Variants in SLX4 observed in about 807,000 individuals in gnomAD.
SLX4 encodes the protein SLX4 structure-specific endonuclease subunit, also known as structure-specific endonuclease subunit SLX4.
A neutral mutation model predicts 146.2 loss-of-function variants in SLX4; 112 were observed. That is an observed-to-expected ratio of 0.77 (90% CI 0.66 to 0.90). SLX4 has a LOEUF of 0.90. Among genes scored for constraint, SLX4 ranks in the 40% least tolerant of loss-of-function variants. The pLI is 0.00. For synonymous variants in SLX4, 1,061 were observed against 997.7 expected, an observed-to-expected ratio of 1.06 and a Z score of -1.20; for missense variants, 2,563 against 2,392.7, an observed-to-expected ratio of 1.07 and a Z score of -1.49.
rs2040467275 is a variant in SLX4, at chr16:3,583,439, T to G, written c.4811A>C (p.Gln1604Pro). ...KLKEIFQYTH[Q>P]TLDSDSEDES... ...GTCCTCGGAGTCTGAGTCCAGGGTC[T>G]GGTGAGTGTACTGGAATATCTCCTT... The change falls in exon 14 of 15, where the codon CAG (glutamine) becomes CCG (proline). Residue 1604 changes from glutamine (Q) to proline (P), a missense_variant. By Grantham distance (76) the Gln-to-Pro change is moderately conservative. Coordinates refer to ENST00000294008, the MANE Select transcript of SLX4 (RefSeq NM_032444.4). 6.2e-7 allele frequency: 1 copy of G among 1,614,186 alleles called. No individual in the cohort carries two copies. Among genetic ancestry groups the G allele is most frequent in the Non-Finnish European group, 8.5e-7 (1 of 1,180,036 alleles).
Position 3,597,447 on chromosome 16 carries a change from C to A in SLX4, c.1615G>T (p.Ala539Ser), listed in dbSNP as rs772612094. Reference protein sequence around the residue: ...FLWEGSALTGAWAMEDFYTAR... With the variant: ...FLWEGSALTGSWAMEDFYTAR... Reference sequence around the variant, plus strand: ...GTGTAGAAGTCCTCCATGGCCCAGGCCCCAGTCAGTGCGCTGCCCTCCCAC... The same window carrying A: ...GTGTAGAAGTCCTCCATGGCCCAGGACCCAGTCAGTGCGCTGCCCTCCCAC... Residue 539 changes from alanine (A) to serine (S), a missense_variant, in exon 7 of 15, where the codon GCC becomes TCC. Coordinates refer to ENST00000294008, the MANE Select transcript of SLX4 (RefSeq NM_032444.4). This position sits in a 1 kb window ranked among gnomAD's most constrained non-coding sequence, Gnocchi z 4.4. 3.1e-6 allele frequency: 5 copies of A among 1,611,774 alleles called. No homozygotes were observed. Among genetic ancestry groups the A allele is most frequent in the Non-Finnish European group, 4.2e-6 (5 of 1,179,264 alleles).
At position 3,602,181 on chromosome 16, in the gene SLX4, C is replaced by T. The variant is rs1311622826; in HGVS notation, c.887G>A (p.Cys296Tyr). Reference protein sequence around the residue: ...DSLEEKGLFFCQICQKNLSAM... With the variant: ...DSLEEKGLFFYQICQKNLSAM... ...TGAGAGGTTCTTTTGACAAATCTGGCAGAAGAACAAACCCTTTTCCTCCAG... is the reference window on the plus strand; with the variant it reads ...TGAGAGGTTCTTTTGACAAATCTGGTAGAAGAACAAACCCTTTTCCTCCAG... Residue 296 changes from cysteine to tyrosine, a missense_variant, in exon 4 of 15, where the codon TGC (cysteine) becomes TAC (tyrosine). By Grantham distance (194) the Cys-to-Tyr change is radical. Coordinates refer to ENST00000294008, the MANE Select transcript of SLX4 (RefSeq NM_032444.4). 1 of 1,614,166 alleles carries T rather than the reference C, an allele frequency of 6.2e-7. No individual in the cohort carries two copies. Among genetic ancestry groups the T allele is most frequent in the African/African-American group, 1.3e-5 (1 of 75,040 alleles).
intron 3 of SLX4, among the ~76,000 whole-genome samples, chr16:3,603,889 G>T (rs1194715676): frequency 6.6e-6 from 1 of 152,190 alleles, no homozygotes; most frequent in Non-Finnish European, 1.5e-5. Flanking sequence ...AATAAATCCA[G>T]AAAGTGGGAA....
At chr16:3,587,246 C>T (rs1194255513) in intron 12 of SLX4, among the ~76,000 whole-genome samples, 1 of 152,150 alleles carries the variant, frequency 6.6e-6, no homozygotes, top group Non-Finnish European at 1.5e-5. Flanking sequence ...CCTGTAATCC[C>T]AGCACTTTGG....
rs948632545 is a variant in SLX4, at chr16:3,600,991, G to A, written c.1151C>T (p.Pro384Leu). ...QTAQPEGSSS[P>L]PMFSFSDHSR... ...TTCGTCGACTTACCTGAACATGGGT[G>A]GGCTGCTGCTACCCTCAGGCTGTGC... The change falls in exon 5 of 15, where the codon CCA becomes CTA. Residue 384 changes from proline to leucine, a missense_variant. By Grantham distance (98) the Pro-to-Leu change is moderately conservative. Coordinates refer to ENST00000294008, the MANE Select transcript of SLX4 (RefSeq NM_032444.4). 9.3e-6 allele frequency: 15 copies of A among 1,613,562 alleles called. No individual in the cohort carries two copies. The African/African-American group carries it at 1.2e-4, about 13-fold the overall frequency.
chr16:3,590,459 C>T lies in SLX4; in HGVS notation c.3179G>A (p.Arg1060Gln), dbSNP rs199994766. ...CACCTGGGAAGTTCCGCCACGGGAC[C>T]GGGGTGTTGACAGGGACGACCCACT... is the stretch of plus-strand genomic sequence containing the variant. Reference protein sequence around the residue: ...HTSGSSLSTPRSRGGTSQVGS... With the variant: ...HTSGSSLSTPQSRGGTSQVGS... The change falls in exon 12 of 15, where the codon CGG becomes CAG. Residue 1060 changes from arginine to glutamine, a missense_variant. By Grantham distance (43) the Arg-to-Gln change is conservative. Transcript: ENST00000294008. This position sits in a 1 kb window ranked among gnomAD's most constrained non-coding sequence, Gnocchi z 4.8. The T allele has an allele frequency of 2.6e-5, 42 of 1,614,102 alleles. No individual in the cohort carries two copies. Among genetic ancestry groups the T allele is most frequent in the South Asian group, 4.4e-5 (4 of 91,082 alleles).
rs770441819 is a variant in SLX4, at chr16:3,595,626, C to T, written c.1992G>A (p.Pro664=). The T allele has an allele frequency of 1.1e-5, 18 of 1,613,906 alleles. No homozygotes were observed. Among genetic ancestry groups the T allele is most frequent in the South Asian group, 3.3e-5 (3 of 91,082 alleles). Residue 664 remains proline, a synonymous_variant, in exon 9 of 15, where the codon CCG becomes CCA. Transcript: ENST00000294008. ...GFVVPSQDKH[P]DRGGRTLLSL... Reference sequence around the variant, plus strand: ...TTACCAAGGTGCGGCCGCCCCTGTCCGGGTGCTTGTCCTGCGATGGCACCA... The same window carrying T: ...TTACCAAGGTGCGGCCGCCCCTGTCTGGGTGCTTGTCCTGCGATGGCACCA...
intron 10 of SLX4, among the ~76,000 whole-genome samples, chr16:3,593,335 A>G (rs1179333348): frequency 6.6e-6 from 1 of 152,174 alleles, no homozygotes; most frequent in Non-Finnish European, 1.5e-5. Context: ...CGGCCTCCCA[A>G]AGTGCTGGGA....
intron 3 of SLX4, among the ~76,000 whole-genome samples, chr16:3,604,512 G>A (rs1286392656): frequency 6.6e-6 from 1 of 152,074 alleles, no homozygotes; most frequent in African/African-American, 2.4e-5. Flanking sequence ...TTTACCTTCA[G>A]ATAATATGGA....
At position 3,583,339 on chromosome 16, in the gene SLX4, T is replaced by G; in HGVS notation, c.4911A>C (p.Ser1637=). ...CCTGCTGGGCATGGACCCCTGCCCT[T>G]GAAGGCTTGTAGGTCTGGGAGGCGA... ...QTLASQTYKP[S]RAGVHAQQEA... is the part of the protein sequence containing the mutation. The change falls in exon 14 of 15, where the codon TCA becomes TCC. Residue 1637 remains serine, a synonymous_variant. Coordinates refer to ENST00000294008, the MANE Select transcript of SLX4 (RefSeq NM_032444.4). 1.2e-6 allele frequency: 2 copies of G among 1,613,882 alleles called. No individual in the cohort carries two copies. Among genetic ancestry groups the G allele is most frequent in the Non-Finnish European group, 1.7e-6 (2 of 1,179,878 alleles).
At chr16:3,596,096 G>A (rs955854880) in intron 8 of SLX4, 57 bp downstream of exon 8, 17 of 1,528,812 alleles carry the variant, frequency 1.1e-5, no homozygotes, top group South Asian at 4.9e-5. Context: ...CCTCAGCCGC[G>A]GGGAGGGGAG....
intron 2 of SLX4, among the ~76,000 whole-genome samples, chr16:3,607,164 A>G (rs1225350564): frequency 6.6e-6 from 1 of 152,238 alleles, no homozygotes; most frequent in African/African-American, 2.4e-5. Context: ...GTGGGGATCC[A>G]TGAACCCCAT....
In SLX4 at chr16:3,592,857, A is replaced by G. The variant is rs750908864; in HGVS notation, c.2169T>C (p.Asn723=). 4.3e-6 allele frequency: 7 copies of G among 1,610,276 alleles called. No individual in the cohort carries two copies. In the Admixed American group the frequency reaches 5.0e-5, roughly 12 times the overall value. ...RCPLLIQYVN[N]EGFSAVEDGV... ...CGTCCTCTACAGCGGAGAAGCCTTC[A>G]TTGTTCACCTGCAGGTGAAATGCAA... Residue 723 remains asparagine, a synonymous_variant, in exon 11 of 15, where the codon AAT becomes AAC. Coordinates refer to ENST00000294008, the MANE Select transcript of SLX4 (RefSeq NM_032444.4).
rs2040541145 is a variant in SLX4, at chr16:3,589,074, G to C, written c.4564C>G (p.Pro1522Ala). Residue 1522 changes from proline (P) to alanine (A), a missense_variant, in exon 12 of 15, where the codon CCA (proline) becomes GCA (alanine). Coordinates refer to ENST00000294008, the MANE Select transcript of SLX4 (RefSeq NM_032444.4). This position sits in a 1 kb window ranked among gnomAD's most constrained non-coding sequence, Gnocchi z 6.2. ...DVWDGEEQRP[P>A]ETPPPAQMPS... ...ATCTGGGCCGGAGGAGGGGTCTCTG[G>C]AGGCCTCTGCTCTTCCCCGTCCCAA... The C allele has an allele frequency of 6.2e-7, 1 of 1,614,120 alleles. No individual in the cohort carries two copies.
chr16:3,608,408 G>A (rs1399838085), intron 2 of SLX4, 22 bp downstream of exon 2: 1 of 1,613,882 alleles, frequency 6.2e-7, no homozygotes, highest in Non-Finnish European at 8.5e-7. Context: ...TCCAGCCCCT[G>A]GTTTAAAAGA....
At chr16:3,587,754 C>G (rs1406764043) in intron 12 of SLX4, among the ~76,000 whole-genome samples, 1 of 152,228 alleles carries the variant, frequency 6.6e-6, no homozygotes, top group Non-Finnish European at 1.5e-5. Flanking sequence ...AAGAAGCTCT[C>G]CAGGTGTTTC....
At position 3,589,495 on chromosome 16, in the gene SLX4, T is replaced by C. The variant is rs1332004730; in HGVS notation, c.4143A>G (p.Pro1381=). The C allele has an allele frequency of 6.2e-7, 1 of 1,610,124 alleles. No individual in the cohort carries two copies. Among genetic ancestry groups the C allele is most frequent in the Non-Finnish European group, 8.5e-7 (1 of 1,177,236 alleles). ...CCGCTGGGGTCTGGTTCAGGAAGCT[T>C]GGCCCAGGCGGCGAGTGTTTCAGGA... The part of the protein sequence containing the change: ...RRFLKHSPPG[P]SFLNQTPAGE... The change falls in exon 12 of 15, where the codon CCA becomes CCG. Residue 1381 remains proline, a synonymous_variant. Coordinates refer to ENST00000294008, the MANE Select transcript of SLX4 (RefSeq NM_032444.4). This position sits in a 1 kb window ranked among gnomAD's most constrained non-coding sequence, Gnocchi z 6.2.
In SLX4 at chr16:3,606,466, C is replaced by A. The variant is rs746864879; in HGVS notation, c.760+8G>T. ...TCTGTGTGGAAGACAGAAACACACT[C>A]ATCATACCATTCCCCGCCATCATCT... On this transcript the variant is annotated splice_region_variant and intron_variant, in intron 3 of 14. Coordinates refer to ENST00000294008, the MANE Select transcript of SLX4 (RefSeq NM_032444.4). The A allele has an allele frequency of 6.2e-6, 10 of 1,613,682 alleles. No homozygotes were observed. In the South Asian group the frequency reaches 1.1e-4, roughly 18 times the overall value.
intron 13 of SLX4, 117 bp downstream of exon 13, chr16:3,584,652 G>T: frequency 1.2e-6 from 1 of 827,492 alleles, no homozygotes; most frequent in Non-Finnish European, 2.1e-6. Context: ...CAGGCCAGCT[G>T]CATCCACCAG....
Sources: allele counts gnomAD v4.1 joint callset (sites outside exome capture counted in the v4.1 genomes callset), GRCh38; gene constraint gnomAD v4.1.1; non-coding constraint Gnocchi (gnomAD v3.1); transcripts MANE v1.5; gene names NCBI Gene and HGNC (gene_info 2026-07-23, HGNC 2026-07-21).